Variants in OPCML observed in about 807,000 individuals in gnomAD.
OPCML encodes opioid binding protein/cell adhesion molecule like.
OPCML carries 13 observed loss-of-function variants against 37.8 expected under a neutral mutation model. That is an observed-to-expected ratio of 0.34 (90% CI 0.22 to 0.55). OPCML has a LOEUF of 0.55. Ranked by LOEUF, OPCML falls within the 20% of genes least tolerant of loss-of-function variation. The probability of loss-of-function intolerance (pLI) is 0.91; values close to 1 mark genes in which losing one functional copy is unlikely to be tolerated. For missense variants in OPCML, 341 were observed against 435.6 expected (o/e 0.78, Z 1.93); for synonymous variants, 176 against 168.8 (o/e 1.04, Z -0.33).
chr11:132,678,441 C>G (rs1377588047), intron 2 of OPCML, among the ~76,000 whole-genome samples: 1 of 152,200 alleles, frequency 6.6e-6, no homozygotes, highest in Non-Finnish European at 1.5e-5. Flanking sequence ...AAGACCTGCA[C>G]ACAGATGTTT....
chr11:133,219,327 A>T (rs1205641721), intron 1 of OPCML, among the ~76,000 whole-genome samples: 1 of 152,224 alleles, frequency 6.6e-6, no homozygotes, highest in Non-Finnish European at 1.5e-5. Context: ...AACGTTCTGC[A>T]ATGGTGGAAT....
intron 1 of OPCML, among the ~76,000 whole-genome samples, chr11:133,140,577 A>AAGAAGAAGAAGAAGAAGAAGAAAG (rs748209202): frequency 2.4e-5 from 2 of 85,024 alleles, no homozygotes; most frequent in Non-Finnish European, 5.5e-5. Flanking sequence ...GAAGAAGAAG[A>AAGAAGAAGAAGAAGAAGAAGAAAG]AAGAAGAAAA....
At chr11:132,796,666 C>T (rs888294367) in intron 2 of OPCML, among the ~76,000 whole-genome samples, 2 of 149,178 alleles carry the variant, frequency 1.3e-5, no homozygotes, top group East Asian at 2.0e-4. Context: ...CTCCGCCTCC[C>T]GGGTTCATGC....
chr11:133,232,701 A>G (rs966830858), intron 1 of OPCML, among the ~76,000 whole-genome samples: 4 of 152,116 alleles, frequency 2.6e-5, no homozygotes, highest in African/African-American at 9.7e-5. Flanking sequence ...GGATTTACTT[A>G]TTTACTTATT....
chr11:133,143,497 G>A (rs1415362253), intron 1 of OPCML, among the ~76,000 whole-genome samples: 2 of 152,208 alleles, frequency 1.3e-5, no homozygotes, highest in Non-Finnish European at 2.9e-5. Context: ...ACTCCTTGCA[G>A]ACCCACATAG....
intron 4 of OPCML, among the ~76,000 whole-genome samples, chr11:132,507,088 T>C (rs938826058): frequency 4.1e-5 from 6 of 147,398 alleles, no homozygotes; most frequent in Non-Finnish European, 7.4e-5. Flanking sequence ...AGGTTAACTG[T>C]AAGCCTAAAA....
At chr11:133,366,464 G>A (rs1251555801) in intron 1 of OPCML, among the ~76,000 whole-genome samples, 1 of 152,160 alleles carries the variant, frequency 6.6e-6, no homozygotes, top group Non-Finnish European at 1.5e-5. Flanking sequence ...ATGTGTCTGG[G>A]AACATGATAA....
chr11:132,731,405 A>C (rs574413790), intron 2 of OPCML, among the ~76,000 whole-genome samples: 1 of 152,204 alleles, frequency 6.6e-6, no homozygotes, highest in Non-Finnish European at 1.5e-5. Flanking sequence ...AAGAGTTATA[A>C]AGCTTGGTTC....
chr11:133,450,123 G>A (rs1414893414), intron 1 of OPCML, among the ~76,000 whole-genome samples: 2 of 151,770 alleles, frequency 1.3e-5, no homozygotes, highest in Non-Finnish European at 2.9e-5. Context: ...AAGAATTGCT[G>A]AGAAGCTCAT....
At position 132,418,041 on chromosome 11, in the gene OPCML, T is replaced by TTGTATGTA. The variant is rs1373053319; in HGVS notation, c.*2144_*2151dup. The TTGTATGTA allele has an allele frequency of 6.6e-6, 1 of 152,192 alleles. No individual in the cohort carries two copies. The highest frequency in any genetic ancestry group is 1.5e-5 in the Non-Finnish European group (1 of 68,040). The allele number at this position is 152,192 out of a possible 1,614,324, so 9.4% of individuals were successfully genotyped here. On this transcript the variant is annotated 3_prime_UTR_variant, in exon 8 of 8. Transcript: ENST00000524381. The stretch of plus-strand genomic sequence containing the variant: ...TTTAGTGTGCCAAGATAGCCTATGT[T>TTGTATGTA]TGTATGTATGTATATATGTATAGAT...
At chr11:133,358,186 T>A (rs575241355) in intron 1 of OPCML, among the ~76,000 whole-genome samples, 1 of 152,380 alleles carries the variant, frequency 6.6e-6, no homozygotes, top group East Asian at 1.9e-4. Flanking sequence ...TATCATTTAA[T>A]CTATCTCTGT....
chr11:133,366,703 T>G (rs1944548083), intron 1 of OPCML, among the ~76,000 whole-genome samples: 1 of 152,172 alleles, frequency 6.6e-6, no homozygotes, highest in African/African-American at 2.4e-5. Flanking sequence ...AGCAACACAT[T>G]TTGCTCTCTT....
intron 1 of OPCML, among the ~76,000 whole-genome samples, chr11:133,515,586 A>C (rs1948249709): frequency 6.6e-6 from 1 of 152,182 alleles, no homozygotes; most frequent in African/African-American, 2.4e-5. Flanking sequence ...AACAGTACTG[A>C]AGGGTGGACC....
At chr11:132,835,576 G>A (rs1940956800) in intron 2 of OPCML, among the ~76,000 whole-genome samples, 1 of 152,076 alleles carries the variant, frequency 6.6e-6, no homozygotes, top group Non-Finnish European at 1.5e-5. Flanking sequence ...ATTTGTTCTT[G>A]CATTATAGGG....
intron 1 of OPCML, among the ~76,000 whole-genome samples, chr11:133,457,148 G>T (rs1165581606): frequency 6.6e-6 from 1 of 152,168 alleles, no homozygotes; most frequent in South Asian, 2.1e-4. Flanking sequence ...ATCCAGGACA[G>T]ACTATAAGTG....
chr11:133,026,501 T>C (rs1220455533), intron 1 of OPCML: 1 of 985,342 alleles, frequency 1.0e-6, no homozygotes, highest in African/African-American at 1.7e-5. Flanking sequence ...GGTTTTGTCC[T>C]GCTGGCAGCC....
intron 1 of OPCML, among the ~76,000 whole-genome samples, chr11:133,123,077 C>T (rs563674368): frequency 6.6e-6 from 1 of 152,306 alleles, no homozygotes; most frequent in South Asian, 2.1e-4. Context: ...ATATTTCAAT[C>T]TGCAGAATCA....
intron 1 of OPCML, among the ~76,000 whole-genome samples, chr11:133,111,454 C>G (rs1022318155): frequency 5.3e-5 from 8 of 152,174 alleles, no homozygotes; most frequent in Non-Finnish European, 8.8e-5. Flanking sequence ...TTGGCTCTTT[C>G]TTTTGGCATG....
intron 4 of OPCML, among the ~76,000 whole-genome samples, chr11:132,468,670 C>T (rs2096126711): frequency 6.6e-6 from 1 of 152,186 alleles, no homozygotes; most frequent in Non-Finnish European, 1.5e-5. Flanking sequence ...TCTGCCAAAA[C>T]ATTACTTTAT....
Sources: gnomAD v4.1 joint callset for allele counts (sites outside exome capture counted in the v4.1 genomes callset) on GRCh38, gnomAD v4.1.1 for gene constraint, MANE v1.5 for transcripts, NCBI Gene and HGNC (gene_info 2026-07-23, HGNC 2026-07-21) for gene names.